The following ORC2 variants were observed in gnomAD, a reference collection of about 807,000 sequenced individuals.
ORC2 encodes origin recognition complex protein 2 homolog.
Under a neutral mutation model 77.7 loss-of-function variants are expected in ORC2, and 37 were observed. The observed-to-expected ratio is 0.48, with a 90% CI of 0.37 to 0.63. ORC2 has a LOEUF of 0.63. ORC2 is among the 20% of genes least tolerant of loss of function. The pLI, the probability that ORC2 is intolerant of heterozygous loss-of-function variation, is 0.00. For missense variants in ORC2, 557 were observed against 661.9 expected (o/e 0.84, Z 1.74); for synonymous variants, 201 against 229.5 (o/e 0.88, Z 1.12).
intron 17 of ORC2, among the ~76,000 whole-genome samples, chr2:200,912,540 T>G (rs1442432774): frequency 6.6e-6 from 1 of 152,070 alleles, no homozygotes; most frequent in African/African-American, 2.4e-5. Context: ...CTCAGCCTCC[T>G]GGGCAGCTGG....
intron 13 of ORC2, chr2:200,921,700 G>C (rs16835725): frequency 0.047 from 7,188 of 152,184 alleles, 556 homozygotes; most frequent in African/African-American, 0.16. Context: ...GCAGTGGGGT[G>C]ATCTCAGCTC....
At chr2:200,934,785 T>C (rs2041006017) in intron 9 of ORC2, among the ~76,000 whole-genome samples, 2 of 152,194 alleles carry the variant, frequency 1.3e-5, no homozygotes, top group Admixed American at 6.5e-5. Context: ...CTTCTCACAC[T>C]ATTTGTTCTT....
intron 9 of ORC2, among the ~76,000 whole-genome samples, chr2:200,935,104 A>G (rs922713857): frequency 5.3e-5 from 8 of 152,172 alleles, no homozygotes. Flanking sequence ...TTTTATTCTA[A>G]TCCCATAGCT....
chr2:200,913,989 T>G lies in ORC2; in HGVS notation c.1470A>C (p.Gly490=), dbSNP rs200677402. The G allele has an allele frequency of 5.6e-5, 84 of 1,508,132 alleles. No individual in the cohort carries two copies. In the South Asian group the frequency reaches 7.7e-4, roughly 14 times the overall value. 93.4% of individuals were successfully genotyped at this position (1,508,132 alleles called of 1,614,324 possible). Residue 490 remains glycine, a synonymous_variant, in exon 16 of 18, where the codon GGA becomes GGC. Coordinates refer to ENST00000234296, the MANE Select transcript of ORC2 (RefSeq NM_006190.5). ...GGTATTTTATTAGTAGCCTGAAAAT[T>G]CCCCTAAAAAAAAAAAAAAACAGGA... ...VLRSLTPNAR[G]IFRLLIKYQL...
intron 11 of ORC2, 82 bp from the exon 12 acceptor site, chr2:200,926,982 T>A (rs1251925119): frequency 8.5e-6 from 12 of 1,412,908 alleles, no homozygotes; most frequent in Non-Finnish European, 1.2e-5. Flanking sequence ...TTCCTTAAAT[T>A]CAGTTTATAA....
chr2:200,961,075 G>A (rs772799994), intron 1 of ORC2, among the ~76,000 whole-genome samples: 3 of 151,656 alleles, frequency 2.0e-5, no homozygotes, highest in Non-Finnish European at 2.9e-5. Flanking sequence ...GCACCTGGCA[G>A]ATTCCTAACT....
chr2:200,939,540 C>T lies in ORC2; in HGVS notation c.454-1574G>A, dbSNP rs576707892. ...TATCAACAGTTTAGTTATCAAGATA[C>T]ACTTTAAGACACGATCTTCACTGTG... is the stretch of plus-strand genomic sequence containing the variant. On this transcript the variant is annotated intron_variant, in intron 7 of 17. Transcript: ENST00000234296. Among the ~76,000 whole-genome samples, 187 of 152,294 alleles carry T rather than the reference C, an allele frequency of 1.2e-3. 2 individuals carry two copies. The South Asian group carries it at 0.021, about 17-fold the overall frequency.
intron 1 of ORC2, 117 bp downstream of exon 1, chr2:200,963,373 G>T: frequency 2.5e-6 from 1 of 398,188 alleles, no homozygotes; most frequent in South Asian, 1.3e-4. Flanking sequence ...TGAGATGCGC[G>T]ACTTGGGACG....
Position 200,926,798 on chromosome 2 carries a change from A to G in ORC2, c.1020T>C (p.Asn340=), listed in dbSNP as rs1384095285. ...TCACACTGATTCCAGGAAAGAAGCC[A>G]TTGATGACAACGTGAATGGAATCTT... ...MLQDSIHVVI[N]GFFPGISVKS... Residue 340 remains asparagine, a synonymous_variant, in exon 12 of 18, where the codon AAT becomes AAC. Coordinates refer to ENST00000234296, the MANE Select transcript of ORC2 (RefSeq NM_006190.5). 6.8e-6 allele frequency: 11 copies of G among 1,613,952 alleles called. No homozygotes were observed. The highest frequency in any genetic ancestry group is 7.6e-6 in the Non-Finnish European group (9 of 1,179,976).
chr2:200,956,705 G>A (rs1306911505), intron 4 of ORC2, among the ~76,000 whole-genome samples: 1 of 152,142 alleles, frequency 6.6e-6, no homozygotes, highest in Non-Finnish European at 1.5e-5. Flanking sequence ...CCAGAAGTTG[G>A]AGGCTACAAT....
chr2:200,952,196 T>C (rs993780278), intron 4 of ORC2, among the ~76,000 whole-genome samples: 2 of 151,870 alleles, frequency 1.3e-5, no homozygotes, highest in African/African-American at 4.8e-5. Context: ...ACTGCAATGA[T>C]AGAACTACAA....
chr2:200,953,475 G>A (rs1345149852), intron 4 of ORC2, among the ~76,000 whole-genome samples: 2 of 150,480 alleles, frequency 1.3e-5, no homozygotes, highest in African/African-American at 4.9e-5. Flanking sequence ...TGGAACCCTT[G>A]TACACTGTAG....
At chr2:200,940,943 A>G (rs2041140871) in intron 7 of ORC2, among the ~76,000 whole-genome samples, 1 of 152,168 alleles carries the variant, frequency 6.6e-6, no homozygotes, top group South Asian at 2.1e-4. Context: ...GATACATAAA[A>G]GCAAAACCCC....
rs773294413 is a variant in ORC2, at chr2:200,958,139, CA to C, written c.-10-7del. The C allele has an allele frequency of 7.1e-6, 11 of 1,545,898 alleles. No individual in the cohort carries two copies. The highest frequency in any genetic ancestry group is 9.8e-6 in the Non-Finnish European group (11 of 1,119,200). On this transcript the variant is annotated splice_polypyrimidine_tract_variant and splice_region_variant and intron_variant, in intron 2 of 17. Transcript: ENST00000234296. ...GTTTACTCATTGTTGCCAACCTAAA[CA>C]AAAACAGTAAGTTACTCAAAAGTGA...
chr2:200,920,106 T>C (rs2040729429), intron 15 of ORC2, 116 bp downstream of exon 15: 1 of 701,922 alleles, frequency 1.4e-6, no homozygotes, highest in Admixed American at 3.0e-5. Context: ...CTATTATTAC[T>C]ATAATTTCAC....
chr2:200,915,157 G>A (rs1350239116), intron 15 of ORC2, among the ~76,000 whole-genome samples: 1 of 151,600 alleles, frequency 6.6e-6, no homozygotes, highest in Non-Finnish European at 1.5e-5. Flanking sequence ...TGGGATTATA[G>A]GCATGTGCCA....
rs913614856 is a variant in ORC2, at chr2:200,911,765, A to G, written c.1648-378T>C. On this transcript the variant is annotated intron_variant, in intron 17 of 17. Transcript: ENST00000234296. ...TATTTAATACATTCAAGTGTGTCCA[A>G]TTTTTCAGTAACCCTCACTACACAC... Among the ~76,000 whole-genome samples the G allele has an allele frequency of 2.0e-5, 3 of 151,988 alleles. No homozygotes were observed. In the East Asian group the frequency reaches 5.8e-4, roughly 29 times the overall value.
intron 7 of ORC2, among the ~76,000 whole-genome samples, chr2:200,938,363 T>C (rs2041085606): frequency 6.6e-6 from 1 of 152,178 alleles, no homozygotes; most frequent in Non-Finnish European, 1.5e-5. Flanking sequence ...TAGTATTATG[T>C]AGCAATCATA....
chr2:200,924,179 C>T (rs1473454406), intron 13 of ORC2, among the ~76,000 whole-genome samples: 7 of 152,054 alleles, frequency 4.6e-5, no homozygotes, highest in Non-Finnish European at 1.0e-4. Context: ...GAGACTCCAT[C>T]TCTACAAAAA....
Sources: allele counts gnomAD v4.1 joint callset (sites outside exome capture counted in the v4.1 genomes callset), GRCh38; gene constraint gnomAD v4.1.1; transcripts MANE v1.5; gene names NCBI Gene and HGNC (gene_info 2026-07-23, HGNC 2026-07-21).